The following SPDYE4 variants were observed in gnomAD, a reference collection of about 807,000 sequenced individuals.
The protein encoded by SPDYE4 is speedy/RINGO cell cycle regulator family member E4.
SPDYE4 carries 30 observed loss-of-function variants against 37.5 expected under a neutral mutation model. That is an observed-to-expected ratio of 0.80 (90% CI 0.60 to 1.09). The LOEUF is 1.09. Among genes scored for constraint, SPDYE4 ranks in the 50% least tolerant of loss-of-function variants. The pLI, the probability that SPDYE4 is intolerant of heterozygous loss-of-function variation, is 0.00. For missense variants in SPDYE4, 300 were observed against 307.9 expected (o/e 0.97, Z 0.19); for synonymous variants, 131 against 120.3 (o/e 1.09, Z -0.58).
rs1223950725 is a variant in SPDYE4, at chr17:8,751,819, T to A, written c.*463A>T. 6.6e-6 allele frequency among the ~76,000 whole-genome samples: 1 copy of A among 152,204 alleles called. No individual in the cohort carries two copies. The highest frequency in any genetic ancestry group is 6.5e-5 in the Admixed American group (1 of 15,282). On this transcript the variant is annotated 3_prime_UTR_variant, in exon 7 of 7. Transcript: ENST00000689094. ...AAAATGTACAGTATCTATTAAACTATCTCTTAAAATCCTATGGCAGTAATT... is the reference window on the plus strand; with the variant it reads ...AAAATGTACAGTATCTATTAAACTAACTCTTAAAATCCTATGGCAGTAATT...
At position 8,758,509 on chromosome 17, in the gene SPDYE4, A is replaced by G. The variant is rs926413638; in HGVS notation, c.-127T>C. On this transcript the variant is annotated 5_prime_UTR_variant, in exon 1 of 7. Transcript: ENST00000689094. Reference sequence around the variant, plus strand: ...TTCTAGAGGCTCGGGAGAAGTTAGGAGTGAAGAGTAGTTCTGAGAAGTTGC... The same window carrying G: ...TTCTAGAGGCTCGGGAGAAGTTAGGGGTGAAGAGTAGTTCTGAGAAGTTGC... 1 of 850,674 alleles carries G rather than the reference A, an allele frequency of 1.2e-6. No individual in the cohort carries two copies. The highest frequency in any genetic ancestry group is 1.9e-6 in the Non-Finnish European group (1 of 536,968). 52.7% of individuals were successfully genotyped at this position (850,674 alleles called of 1,614,324 possible). A position where few individuals can be genotyped will look rare whatever the true frequency, so the allele number is the denominator to read the frequency against.
At chr17:8,753,280 C>CCG in intron 5 of SPDYE4, 41 bp downstream of exon 5, 6 of 1,367,644 alleles carry the variant, frequency 4.4e-6, no homozygotes, top group Non-Finnish European at 6.0e-6. Context: ...CAGTCCACCC[C>CCG]ATCCCTCCCC....
At chr17:8,753,017 G>A in intron 6 of SPDYE4, 77 bp downstream of exon 6, 1 of 1,251,850 alleles carries the variant, frequency 8.0e-7, no homozygotes. Context: ...GCTTGAAGCT[G>A]GATCAAGCAG....
At chr17:8,757,040 G>C (rs117568357) in intron 2 of SPDYE4, among the ~76,000 whole-genome samples, 194 of 152,196 alleles carry the variant, frequency 1.3e-3, no homozygotes, top group Admixed American at 3.0e-3. Context: ...CAAGATCTCA[G>C]GCATGAGCCA....
rs928199827 is a variant in SPDYE4, at chr17:8,758,298, C to T, written c.85G>A (p.Asp29Asn). 2 of 1,548,062 alleles carry T rather than the reference C, an allele frequency of 1.3e-6. No individual in the cohort carries two copies. Among genetic ancestry groups the T allele is most frequent in the Non-Finnish European group, 1.7e-6 (2 of 1,145,376 alleles). Residue 29 changes from aspartate (D) to asparagine (N), a missense_variant, in exon 1 of 7, where the codon GAT becomes AAT. By Grantham distance (23) the Asp-to-Asn change is conservative (BLOSUM62 1). Transcript: ENST00000689094. ...TTVRSPEVVV[D>N]DEVPGPSAPW... ...CCTGATGGTCCTGGCACTTCATCAT[C>T]CACCACCACCTCGGGGGACCGTACC...
chr17:8,749,408 C>T (rs372600525), downstream of SPDYE4, among the ~76,000 whole-genome samples: 7 of 152,014 alleles, frequency 4.6e-5, no homozygotes, highest in Admixed American at 1.3e-4. Flanking sequence ...GGACTACAGG[C>T]GCATGCCACT....
Position 8,757,785 on chromosome 17 carries a change from CT to C in SPDYE4, c.110-294del, listed in dbSNP as rs1555524402. The stretch of plus-strand genomic sequence containing the variant: ...CTGTCTGCTCTCTCTCTCTCTCTCT[CT>C]TTTTTTTTTTTTTGAGATGGAGTCT... On this transcript the variant is annotated intron_variant, in intron 1 of 6. Coordinates refer to ENST00000689094, the MANE Select transcript of SPDYE4 (RefSeq NM_001394956.1). Among the ~76,000 whole-genome samples the C allele has an allele frequency of 2.1e-3, 227 of 107,330 alleles. 1 individual carries two copies. The highest frequency in any genetic ancestry group is 3.5e-3 in the African/African-American group (111 of 31,860). The allele number at this position is 107,330 out of a possible 152,430, so 70.4% of individuals were successfully genotyped here.
At chr17:8,755,981 C>T (rs2086768944) in intron 3 of SPDYE4, among the ~76,000 whole-genome samples, 1 of 152,070 alleles carries the variant, frequency 6.6e-6, no homozygotes, top group South Asian at 2.1e-4. Context: ...TCCAAAGGAC[C>T]CTGTGCAGAG....
At chr17:8,753,276 A>AGC in intron 5 of SPDYE4, 45 bp downstream of exon 5, 1 of 1,214,450 alleles carries the variant, frequency 8.2e-7, no homozygotes, top group Non-Finnish European at 1.2e-6. Flanking sequence ...CCTCCAGTCC[A>AGC]CCCCATCCCT....
downstream of SPDYE4, among the ~76,000 whole-genome samples, chr17:8,747,640 A>C (rs9907783): frequency 0.24 from 35,930 of 152,194 alleles, 4,620 homozygotes; most frequent in Middle Eastern, 0.33. Context: ...TTTTTTGCCA[A>C]TGGTGAGAGA....
At chr17:8,753,618 C>A in intron 4 of SPDYE4, 129 bp from the exon 5 acceptor site, 1 of 1,128,100 alleles carries the variant, frequency 8.9e-7, no homozygotes, top group Non-Finnish European at 1.2e-6. Context: ...TGCAGAGAGC[C>A]CTGCCTTCCT....
chr17:8,748,950 T>C (rs1287604879), downstream of SPDYE4, among the ~76,000 whole-genome samples: 1 of 152,146 alleles, frequency 6.6e-6, no homozygotes, highest in Non-Finnish European at 1.5e-5. Flanking sequence ...GCAGAAGAAT[T>C]AGCTTTCCCT....
intron 6 of SPDYE4, 45 bp downstream of exon 6, chr17:8,753,049 A>G (rs533436427): frequency 2.7e-5 from 40 of 1,465,410 alleles, no homozygotes; most frequent in African/African-American, 2.6e-4. Context: ...GGATTTTCTT[A>G]TAGATGAGAA....
intron 5 of SPDYE4, 40 bp downstream of exon 5, chr17:8,753,281 A>AACCCCCCCC: frequency 2.1e-5 from 8 of 388,116 alleles, no homozygotes; most frequent in East Asian, 6.6e-5. Flanking sequence ...AGTCCACCCC[A>AACCCCCCCC]TCCCTCCCCA....
Position 8,753,400 on chromosome 17 carries a change from G to A in SPDYE4, c.575C>T (p.Pro192Leu). 6.3e-7 allele frequency: 1 copy of A among 1,599,258 alleles called. No homozygotes were observed. Among genetic ancestry groups the A allele is most frequent in the Non-Finnish European group, 8.5e-7 (1 of 1,172,724 alleles). ...CTGGTATCGAAGCTTATGGAACAAG[G>A]GTCGCTGGGAGTAGTTCTTCCCGTA... is the stretch of plus-strand genomic sequence containing the variant. The part of the protein sequence containing the change: ...FLYGKNYSQR[P>L]LFHKLRYQLL... The change falls in exon 5 of 7, where the codon CCC becomes CTC. Residue 192 changes from proline (P) to leucine (L), a missense_variant. Coordinates refer to ENST00000689094, the MANE Select transcript of SPDYE4 (RefSeq NM_001394956.1).
intron 4 of SPDYE4, 30 bp from the exon 5 acceptor site, chr17:8,753,519 G>A (rs1275869067): frequency 1.9e-6 from 3 of 1,610,508 alleles, no homozygotes; most frequent in Non-Finnish European, 1.7e-6. Context: ...TGCTGCTCAG[G>A]GGCCCCACCA....
intron 5 of SPDYE4, 36 bp downstream of exon 5, chr17:8,753,285 C>A: frequency 1.4e-6 from 2 of 1,392,092 alleles, no homozygotes; most frequent in Non-Finnish European, 1.9e-6. Context: ...CACCCCATCC[C>A]TCCCCACCCC....
At chr17:8,747,565 T>A (rs2086697905), downstream of SPDYE4, among the ~76,000 whole-genome samples, 1 of 152,176 alleles carries the variant, frequency 6.6e-6, no homozygotes, top group Non-Finnish European at 1.5e-5. Context: ...AAATGGGAAA[T>A]TAAATGTTCA....
chr17:8,750,405 T>C (rs1024197984), downstream of SPDYE4, among the ~76,000 whole-genome samples: 3 of 149,660 alleles, frequency 2.0e-5, no homozygotes, highest in Non-Finnish European at 4.4e-5. Flanking sequence ...AATAAATAAA[T>C]AAATAAAATA....
Sources: gnomAD v4.1 joint callset for allele counts (sites outside exome capture counted in the v4.1 genomes callset) on GRCh38, gnomAD v4.1.1 for gene constraint, MANE v1.5 for transcripts, NCBI Gene and HGNC (gene_info 2026-07-23, HGNC 2026-07-21) for gene names.